TBC1D8B: variants seen among roughly 807,000 people sequenced by gnomAD.
TBC1D8B encodes RP11-321G1.1.
TBC1D8B carries 75 observed loss-of-function variants against 82.9 expected under a neutral mutation model. The ratio of observed to expected loss-of-function variants is 0.90; its 90% CI spans 0.75 to 1.10. TBC1D8B has a LOEUF of 1.10. Ranked by LOEUF, TBC1D8B falls within the 50% of genes least tolerant of loss-of-function variation. The pLI is 0.00. For missense variants in TBC1D8B, 794 were observed against 796.9 expected, an observed-to-expected ratio of 1.00 and a Z score of 0.04; for synonymous variants, 276 against 276.8, an observed-to-expected ratio of 1.00 and a Z score of 0.03.
intron 7 of TBC1D8B, among the ~76,000 whole-genome samples, chrX:106,833,303 T>C (rs1379379400): frequency 9.0e-6 from 1 of 111,665 alleles, no homozygotes; most frequent in Non-Finnish European, 1.9e-5. Context: ...GAGTTAACAA[T>C]CTATGTTGCT....
chrX:106,835,921 A>T (rs186403893), intron 7 of TBC1D8B, among the ~76,000 whole-genome samples: 3 of 112,144 alleles, frequency 2.7e-5, no homozygotes, highest in African/African-American at 9.7e-5. Context: ...AGGAAGTTCC[A>T]GACTTTCCCA....
In TBC1D8B at chrX:106,873,800, T is replaced by C. The variant is rs1298050671; in HGVS notation, c.3198T>C (p.Pro1066=). 1 of 1,212,002 alleles carries C rather than the reference T, an allele frequency of 8.3e-7. No homozygotes were observed. The highest frequency in any genetic ancestry group is 1.8e-5 in the South Asian group (1 of 56,947). The stretch of plus-strand genomic sequence containing the variant: ...CAGGGAGCCACTTGGAGAAAGATCC[T>C]TGTTCCTTTAGGGAGGAACCTCAGT... The part of the protein sequence containing the change: ...EKTGSHLEKD[P]CSFREEPQWS... Residue 1066 remains proline, a synonymous_variant, in exon 21 of 21, where the codon CCT becomes CCC. Transcript: ENST00000357242.
chrX:106,812,081 T>A (rs1396100029), intron 1 of TBC1D8B, among the ~76,000 whole-genome samples: 1 of 109,985 alleles, frequency 9.1e-6, no homozygotes, highest in African/African-American at 3.4e-5. Flanking sequence ...AGAATTATTT[T>A]TATTAACTGT....
At chrX:106,811,167 T>A (rs1209112768) in intron 1 of TBC1D8B, among the ~76,000 whole-genome samples, 3 of 111,311 alleles carry the variant, frequency 2.7e-5, no homozygotes, top group Non-Finnish European at 3.8e-5. Context: ...GGGAGAGGAA[T>A]ACACATTGTG....
rs761632565 is a variant in TBC1D8B at position 106,865,563 on chromosome X, G to T, written c.2357G>T (p.Arg786Leu). 8.4e-7 allele frequency: 1 copy of T among 1,194,515 alleles called. No homozygotes were observed. The highest frequency in any genetic ancestry group is 1.8e-5 in the African/African-American group (1 of 56,883). ...LEETTKQNVL[R>L]VVSQDVKLSL... ...TTGCTTTTAATCTTTTTAAAGTTGC[G>T]TGTTGTATCACAAGATGTGAAATTG... Residue 786 changes from arginine (R) to leucine (L), a missense_variant, in exon 15 of 21, where the codon CGT becomes CTT. Coordinates refer to ENST00000357242, the MANE Select transcript of TBC1D8B (RefSeq NM_017752.3).
Position 106,865,446 on chromosome X carries a change from T to C in TBC1D8B, c.2353-113T>C, listed in dbSNP as rs1165264898. On this transcript the variant is annotated intron_variant, in intron 14 of 20. Transcript: ENST00000357242. ...AACTTTTTATTATTCATTTAAGAAGTTAAAACACAAATATTTTCTTCTAGC... is the reference window on the plus strand; with the variant it reads ...AACTTTTTATTATTCATTTAAGAAGCTAAAACACAAATATTTTCTTCTAGC... 4.7e-5 allele frequency: 20 copies of C among 426,101 alleles called. No homozygotes were observed. In the East Asian group the frequency reaches 8.6e-4, roughly 18 times the overall value. The allele number at this position is 426,101 out of a possible 1,213,427, so 35.1% of individuals were successfully genotyped here. A position where few individuals can be genotyped will look rare whatever the true frequency, so the allele number is the denominator to read the frequency against.
chrX:106,862,600 C>T (rs1932783112), intron 14 of TBC1D8B, among the ~76,000 whole-genome samples: 1 of 109,780 alleles, frequency 9.1e-6, no homozygotes, highest in Non-Finnish European at 1.9e-5. Flanking sequence ...TCTGTCATTT[C>T]AGCCATTTCA....
At chrX:106,845,280 T>C (rs2147756577) in intron 10 of TBC1D8B, among the ~76,000 whole-genome samples, 1 of 111,261 alleles carries the variant, frequency 9.0e-6, no homozygotes, top group Admixed American at 9.6e-5. Flanking sequence ...TTTGCTTTTG[T>C]TGATTTTTCT....
chrX:106,802,737 G>A lies in TBC1D8B; in HGVS notation c.-117G>A. ...GGGGAAGTGTGGAAAACCTGAACCT[G>A]AGCTGCTGTCGCCTGAGGAAGATTT... On this transcript the variant is annotated 5_prime_UTR_variant, in exon 1 of 21. Transcript: ENST00000357242. 9.3e-7 allele frequency: 1 copy of A among 1,073,674 alleles called. No individual in the cohort carries two copies. The highest frequency in any genetic ancestry group is 1.3e-6 in the Non-Finnish European group (1 of 788,763). 88.5% of individuals were successfully genotyped at this position (1,073,674 alleles called of 1,213,427 possible). A position where few individuals can be genotyped will look rare whatever the true frequency, so the allele number is the denominator to read the frequency against.
At chrX:106,845,363 T>C (rs985220467) in intron 10 of TBC1D8B, among the ~76,000 whole-genome samples, 1 of 109,106 alleles carries the variant, frequency 9.2e-6, no homozygotes, top group African/African-American at 3.3e-5. Context: ...GTTAGTTACA[T>C]AGGTATACAT....
intron 11 of TBC1D8B, among the ~76,000 whole-genome samples, chrX:106,848,668 G>A (rs1410265907): frequency 1.8e-5 from 2 of 111,376 alleles, no homozygotes; most frequent in Non-Finnish European, 3.8e-5. Context: ...TGATGGGAGG[G>A]AGATTTCAAT....
chrX:106,827,277 A>G lies in TBC1D8B; in HGVS notation c.1143A>G (p.Val381=). ...AAGTTAAAGACTTTGAACAACTGGT[A>G]GCAAAACTCAGGCTCAGATGCGGAG... ...FHEVKDFEQL[V]AKLRLRCGAA... Residue 381 remains valine, a synonymous_variant, in exon 7 of 21, where the codon GTA becomes GTG. Coordinates refer to ENST00000357242, the MANE Select transcript of TBC1D8B (RefSeq NM_017752.3). The G allele has an allele frequency of 8.3e-7, 1 of 1,211,342 alleles. No homozygotes were observed. The highest frequency in any genetic ancestry group is 1.1e-6 in the Non-Finnish European group (1 of 895,168).
Position 106,874,158 on chromosome X carries a change from A to G in TBC1D8B, c.*193A>G. 1 of 332,929 alleles carries G rather than the reference A, an allele frequency of 3.0e-6. No individual in the cohort carries two copies. The highest frequency in any genetic ancestry group is 5.0e-6 in the Non-Finnish European group (1 of 200,379). 27.4% of individuals were successfully genotyped at this position (332,929 alleles called of 1,213,427 possible). A position where few individuals can be genotyped will look rare whatever the true frequency, so the allele number is the denominator to read the frequency against. ...TTGTTAGCACTTTTTAAAACAAACA[A>G]ACAAACAAAACAAAAAAGCAAACCA... On this transcript the variant is annotated 3_prime_UTR_variant, in exon 21 of 21. Transcript: ENST00000357242.
chrX:106,859,775 C>G (rs1185954814), intron 14 of TBC1D8B, among the ~76,000 whole-genome samples: 1 of 111,383 alleles, frequency 9.0e-6, no homozygotes, highest in Non-Finnish European at 1.9e-5. Context: ...TCTTCTGGTT[C>G]TCAAGGGGAA....
chrX:106,849,306 G>C, intron 11 of TBC1D8B: 1 of 1,102,591 alleles, frequency 9.1e-7, no homozygotes, highest in Non-Finnish European at 1.2e-6. Context: ...GGGAGAAGTA[G>C]AAAAAGGAAA....
chrX:106,824,733 G>A (rs1013812160), intron 5 of TBC1D8B, among the ~76,000 whole-genome samples: 1 of 111,234 alleles, frequency 9.0e-6, no homozygotes, highest in African/African-American at 3.3e-5. Flanking sequence ...TTGTCTGTGT[G>A]CATTTTTAGG....
intron 1 of TBC1D8B, chrX:106,815,339 C>G (rs1180242743): frequency 9.0e-6 from 1 of 110,834 alleles, no homozygotes; most frequent in East Asian, 2.8e-4. Flanking sequence ...TCAGGTTTGT[C>G]AAAGATCAGA....
chrX:106,857,590 T>C (rs1932724275), intron 14 of TBC1D8B, among the ~76,000 whole-genome samples: 1 of 111,705 alleles, frequency 9.0e-6, no homozygotes, highest in Admixed American at 9.5e-5. Context: ...TGTAGGCCCC[T>C]GTTTCTATTG....
chrX:106,873,842 A>G lies in TBC1D8B; in HGVS notation c.3240A>G (p.Glu1080=). The G allele has an allele frequency of 1.7e-6, 2 of 1,212,090 alleles. No individual in the cohort carries two copies. The highest frequency in any genetic ancestry group is 1.8e-5 in the South Asian group (1 of 56,981). ...AACCTCAGTGGTCATTTGCATTTGAACAGATTCTTGCATCGCTGTTGAATG... is the reference window on the plus strand; with the variant it reads ...AACCTCAGTGGTCATTTGCATTTGAGCAGATTCTTGCATCGCTGTTGAATG... ...REEPQWSFAF[E]QILASLLNEP... is the part of the protein sequence containing the mutation. The change falls in exon 21 of 21, where the codon GAA becomes GAG. Residue 1080 remains glutamate, a synonymous_variant. Transcript: ENST00000357242.
Sources: gnomAD v4.1 joint callset for allele counts (sites outside exome capture counted in the v4.1 genomes callset) on GRCh38, gnomAD v4.1.1 for gene constraint, MANE v1.5 for transcripts, NCBI Gene and HGNC (gene_info 2026-07-23, HGNC 2026-07-21) for gene names.